Variants in LRP1B observed in about 807,000 individuals in gnomAD.
The protein encoded by LRP1B is low-density lipoprotein receptor-related protein 1B.
LRP1B carries 217 observed loss-of-function variants against 556.6 expected under a neutral mutation model. The ratio of observed to expected loss-of-function variants is 0.39; its 90% confidence interval spans 0.35 to 0.44. The LOEUF is 0.44. Among genes scored for constraint, LRP1B ranks in the 20% least tolerant of loss-of-function variants. The pLI, the probability that LRP1B is intolerant of heterozygous loss-of-function variation, is 1.00. For missense variants in LRP1B, 5,053 were observed against 5,620.8 expected (o/e 0.90, Z 3.23); for synonymous variants, 2,047 against 1,865.8 (o/e 1.10, Z -2.50).
chr2:140,287,404 A>G (rs1258575192), intron 84 of LRP1B, among the ~76,000 whole-genome samples: 2 of 151,686 alleles, frequency 1.3e-5, no homozygotes, highest in African/African-American at 4.8e-5. Flanking sequence ...TAATCGAGAA[A>G]TCAGTTAAAT....
At chr2:141,131,525 T>G (rs941912256) in intron 7 of LRP1B, among the ~76,000 whole-genome samples, 2 of 150,784 alleles carry the variant, frequency 1.3e-5, no homozygotes, top group African/African-American at 4.9e-5. Flanking sequence ...GATACTCTCT[T>G]TTTTCCAATG....
At chr2:140,481,289 G>A (rs11890090) in intron 59 of LRP1B, among the ~76,000 whole-genome samples, 1 of 151,956 alleles carries the variant, frequency 6.6e-6, no homozygotes, top group African/African-American at 2.4e-5. Flanking sequence ...ACATGTTTAT[G>A]ATCCACAATT....
intron 3 of LRP1B, among the ~76,000 whole-genome samples, chr2:141,394,714 T>A (rs1485208753): frequency 6.6e-5 from 10 of 152,112 alleles, no homozygotes; most frequent in Admixed American, 6.6e-4. Flanking sequence ...GACTAAGTTT[T>A]AAATTTTGAA....
Position 140,352,953 on chromosome 2 carries a change from C to G in LRP1B, c.11650G>C (p.Gly3884Arg), listed in dbSNP as rs1448416120. 1 of 1,609,720 alleles carries G rather than the reference C, an allele frequency of 6.2e-7. No individual in the cohort carries two copies. The change falls in exon 76 of 91, where the codon GGC becomes CGC. Residue 3884 changes from glycine (G) to arginine (R), a missense_variant and splice_region_variant. Coordinates refer to ENST00000389484, the MANE Select transcript of LRP1B (RefSeq NM_018557.3). Reference protein sequence around the residue: ...QERNNTCIAEGSEDQVLYIAN... With the variant: ...QERNNTCIAERSEDQVLYIAN... Reference sequence around the variant, plus strand: ...TTTGCAATAGTGGTTATAATCTTACCTTCTGCTATGCAGGTGTTATTTCTT... The same window carrying G: ...TTTGCAATAGTGGTTATAATCTTACGTTCTGCTATGCAGGTGTTATTTCTT...
At chr2:140,641,103 T>C (rs1684277488) in intron 41 of LRP1B, among the ~76,000 whole-genome samples, 1 of 152,172 alleles carries the variant, frequency 6.6e-6, no homozygotes, top group Admixed American at 6.5e-5. Context: ...TTATAATTTG[T>C]CATCTATGGT....
At chr2:141,802,682 C>T (rs1696046756) in intron 2 of LRP1B, among the ~76,000 whole-genome samples, 3 of 152,042 alleles carry the variant, frequency 2.0e-5, no homozygotes, top group Admixed American at 2.0e-4. Flanking sequence ...TCCTTTAGTG[C>T]TTCATTTAGC....
intron 7 of LRP1B, among the ~76,000 whole-genome samples, chr2:141,088,930 T>C (rs1700110688): frequency 6.6e-6 from 1 of 152,206 alleles, no homozygotes; most frequent in African/African-American, 2.4e-5. Context: ...AAAGGGGTTT[T>C]TCTGGACCTT....
chr2:140,342,478 TTTA>T (rs1158450208), intron 77 of LRP1B, among the ~76,000 whole-genome samples: 2 of 151,564 alleles, frequency 1.3e-5, no homozygotes, highest in Non-Finnish European at 3.0e-5. Context: ...TTCTAATGTG[TTTA>T]TTCTTATAAT....
chr2:141,768,889 G>T (rs1694812985), intron 2 of LRP1B, among the ~76,000 whole-genome samples: 1 of 151,826 alleles, frequency 6.6e-6, no homozygotes, highest in African/African-American at 2.4e-5. Context: ...GTGTGTGTGT[G>T]CATGTGTGGT....
intron 3 of LRP1B, among the ~76,000 whole-genome samples, chr2:141,372,319 A>C (rs1444878744): frequency 6.6e-6 from 1 of 152,118 alleles, no homozygotes; most frequent in African/African-American, 2.4e-5. Flanking sequence ...GCCTATGTTC[A>C]TCGGAGATAT....
intron 1 of LRP1B, among the ~76,000 whole-genome samples, chr2:142,000,971 A>G (rs1440604518): frequency 6.6e-6 from 1 of 152,116 alleles, no homozygotes; most frequent in Non-Finnish European, 1.5e-5. Context: ...AAATAAGTGA[A>G]TCACAGGGGT....
intron 3 of LRP1B, among the ~76,000 whole-genome samples, chr2:141,422,578 G>GCA (rs1275240418): frequency 6.6e-6 from 1 of 152,004 alleles, no homozygotes; most frequent in Admixed American, 6.6e-5. Context: ...ATACACACAT[G>GCA]CACACACACA....
At chr2:141,342,110 G>A (rs1245475115) in intron 3 of LRP1B, among the ~76,000 whole-genome samples, 2 of 151,430 alleles carry the variant, frequency 1.3e-5, no homozygotes, top group Non-Finnish European at 2.9e-5. Context: ...CAGGAGTGGT[G>A]GTGGGCGCCT....
chr2:140,239,633 T>A, intron 87 of LRP1B, 101 bp from the exon 88 acceptor site: 1 of 640,632 alleles, frequency 1.6e-6, no homozygotes, highest in Non-Finnish European at 2.6e-6. Context: ...ACCATTGATA[T>A]AATAAAAGCT....
chr2:141,398,940 A>G (rs551646192), intron 3 of LRP1B, among the ~76,000 whole-genome samples: 128 of 152,262 alleles, frequency 8.4e-4, no homozygotes, highest in Non-Finnish European at 1.3e-3. Context: ...TTTGTGCCCT[A>G]TAGTTCACCT....
intron 2 of LRP1B, among the ~76,000 whole-genome samples, chr2:141,668,167 C>A (rs549299593): frequency 1.3e-5 from 2 of 152,286 alleles, no homozygotes; most frequent in South Asian, 2.1e-4. Flanking sequence ...TCTAAATATA[C>A]AAACCATTTC....
chr2:141,676,457 T>C (rs1690885311), intron 2 of LRP1B, among the ~76,000 whole-genome samples: 3 of 152,116 alleles, frequency 2.0e-5, no homozygotes, highest in Admixed American at 6.6e-5. Context: ...CCCACTAAAA[T>C]CCAAAATAGT....
intron 41 of LRP1B, among the ~76,000 whole-genome samples, chr2:140,625,141 A>G (rs1309812203): frequency 6.6e-6 from 1 of 152,206 alleles, no homozygotes; most frequent in Non-Finnish European, 1.5e-5. Context: ...GGTTTTCACA[A>G]TCTAACTACT....
intron 2 of LRP1B, among the ~76,000 whole-genome samples, chr2:141,628,471 G>A (rs982846526): frequency 2.0e-5 from 3 of 152,054 alleles, no homozygotes; most frequent in Non-Finnish European, 1.5e-5. Flanking sequence ...CTTGATGGAA[G>A]AGCTGATGCT....
Sources: gnomAD v4.1 joint callset for allele counts (sites outside exome capture counted in the v4.1 genomes callset) on GRCh38, gnomAD v4.1.1 for gene constraint, MANE v1.5 for transcripts, NCBI Gene and HGNC (gene_info 2026-07-23, HGNC 2026-07-21) for gene names.